The following SRPRA variants were observed in gnomAD, a reference collection of about 807,000 sequenced individuals.
SRPRA encodes the protein SRP receptor subunit alpha.
Under a neutral mutation model 61.1 loss-of-function variants are expected in SRPRA, and 30 were observed. The observed-to-expected ratio is 0.49, with a 90% CI of 0.37 to 0.67. The LOEUF (loss-of-function observed/expected upper bound fraction) is 0.67. SRPRA is among the 30% of genes least tolerant of loss of function. The pLI is 0.00. For synonymous variants in SRPRA, 324 were observed against 299.7 expected, an observed-to-expected ratio of 1.08 and a Z score of -0.84; for missense variants, 759 against 828.4, an observed-to-expected ratio of 0.92 and a Z score of 1.03.
the SRPRA span, chr11:126,256,614 C>T: frequency 6.2e-7 from 1 of 1,614,166 alleles, no homozygotes; most frequent in Non-Finnish European, 8.5e-7. This position sits in a 1 kb window ranked among gnomAD's most constrained non-coding sequence, Gnocchi z 6.6. Flanking sequence ...TTTTCCTGGG[C>T]TGTGGCTGGA....
the SRPRA span, among the ~76,000 whole-genome samples, chr11:126,242,816 T>A: frequency 6.6e-6 from 1 of 152,178 alleles, no homozygotes; most frequent in Non-Finnish European, 1.5e-5. Context: ...GATTGGCAGT[T>A]CCTCAAAAAG....
the SRPRA span, among the ~76,000 whole-genome samples, chr11:126,241,987 T>C: frequency 1.4e-5 from 2 of 138,386 alleles, no homozygotes; most frequent in African/African-American, 2.8e-5. Flanking sequence ...GTCGCGCCAC[T>C]GCACTCCAGC....
chr11:126,267,831 T>A lies in SRPRA; in HGVS notation c.202-119A>T. On this transcript the variant is annotated intron_variant, in intron 2 of 13. Transcript: ENST00000332118. This position sits in a 1 kb window ranked among gnomAD's most constrained non-coding sequence, Gnocchi z 4.2. ...AGCTACCTGGCCGGTTTCCCTGTCC[T>A]GAGAGGCAGCCAAGCTCCCTGCCTG... 1 of 1,477,848 alleles carries A rather than the reference T, an allele frequency of 6.8e-7. No individual in the cohort carries two copies. The allele number at this position is 1,477,848 out of a possible 1,614,324, so 91.5% of individuals were successfully genotyped here.
At chr11:126,248,358 C>CTTCT in the SRPRA span, among the ~76,000 whole-genome samples, 4 of 36,966 alleles carry the variant, frequency 1.1e-4, no homozygotes, top group African/African-American at 4.9e-4. Context: ...TAGTAGTTGA[C>CTTCT]TTTTTTTTTT....
the SRPRA span, chr11:126,254,206 G>T: frequency 1.4e-4 from 204 of 1,408,964 alleles, 2 homozygotes; most frequent in African/African-American, 2.6e-3. Context: ...GAGAGTTTAT[G>T]TCAGAAGTCT....
the SRPRA span, among the ~76,000 whole-genome samples, chr11:126,247,923 A>G: frequency 6.8e-6 from 1 of 147,094 alleles, no homozygotes; most frequent in Non-Finnish European, 1.5e-5. Context: ...ATAGATACGT[A>G]TATCTATATA....
In SRPRA at chr11:126,267,495, A is replaced by G. The variant is rs1950836633; in HGVS notation, c.365+54T>C. On this transcript the variant is annotated intron_variant, in intron 3 of 13. Coordinates refer to ENST00000332118, the MANE Select transcript of SRPRA (RefSeq NM_003139.4). This position sits in a 1 kb window ranked among gnomAD's most constrained non-coding sequence, Gnocchi z 4.2. ...TTTACCACCTTTGAACCACCTTCAG[A>G]GAGGTCATCAAATCATGGAAATAAA... 6.8e-6 allele frequency: 11 copies of G among 1,609,186 alleles called. No individual in the cohort carries two copies. Among genetic ancestry groups the G allele is most frequent in the Non-Finnish European group, 9.3e-6 (11 of 1,177,036 alleles).
the SRPRA span, chr11:126,241,398 T>TA: frequency 0.12 from 21,996 of 187,784 alleles, 1,356 homozygotes; most frequent in African/African-American, 0.14. Context: ...AGATTGGAGA[T>TA]AATTTTATCA....
chr11:126,264,261 T>C lies in SRPRA; in HGVS notation c.1718A>G (p.His573Arg), dbSNP rs1272597917. The change falls in exon 13 of 14, where the codon CAT (histidine) becomes CGT (arginine). Residue 573 changes from histidine (H) to arginine (R), a missense_variant. Physicochemically the swap from His to Arg is conservative, Grantham distance 29. This residue lies in a region of SRPRA where 284 missense variants were observed against 365.9 expected (regional missense o/e 0.78). Transcript: ENST00000332118. This position sits in a 1 kb window ranked among gnomAD's most constrained non-coding sequence, Gnocchi z 5.0. Reference sequence around the variant, plus strand: ...GAGCCGAGGTGTCTGAGCCATAGAATGGTCAGCCAAGGCTCTGTTGAACTT... The same window carrying C: ...GAGCCGAGGTGTCTGAGCCATAGAACGGTCAGCCAAGGCTCTGTTGAACTT... ...LVKFNRALAD[H>R]SMAQTPRLID... is the part of the protein sequence containing the mutation. 6.2e-7 allele frequency: 1 copy of C among 1,614,062 alleles called. No individual in the cohort carries two copies. The highest frequency in any genetic ancestry group is 8.5e-7 in the Non-Finnish European group (1 of 1,180,000).
chr11:126,264,986 C>G lies in SRPRA; in HGVS notation c.1498G>C (p.Gly500Arg). 6.2e-7 allele frequency: 1 copy of G among 1,614,066 alleles called. No homozygotes were observed. Among genetic ancestry groups the G allele is most frequent in the South Asian group, 1.1e-5 (1 of 91,078 alleles). ...AAAGCAATGGCTTCCATGGCAATGC[C>G]AGCAGCATCCTTGCCATAGCCCTTT... Reference protein sequence around the residue: ...FEKGYGKDAAGIAMEAIAFAR... With the variant: ...FEKGYGKDAARIAMEAIAFAR... The change falls in exon 11 of 14, where the codon GGC (glycine) becomes CGC (arginine). Residue 500 changes from glycine (G) to arginine (R), a missense_variant. This residue lies in a region of SRPRA where 284 missense variants were observed against 365.9 expected (regional missense o/e 0.78). Transcript: ENST00000332118. This position sits in a 1 kb window ranked among gnomAD's most constrained non-coding sequence, Gnocchi z 5.0.
chr11:126,250,873 CTTTTTTCTTTCT>C, the SRPRA span: 1 of 623,780 alleles, frequency 1.6e-6, no homozygotes, highest in East Asian at 2.8e-5. This position sits in a 1 kb window ranked among gnomAD's most constrained non-coding sequence, Gnocchi z 5.1. Context: ...TTTTGTTTTT[CTTTTTTCTTTCT>C]TTTTAAAGAT....
the SRPRA span, among the ~76,000 whole-genome samples, chr11:126,243,229 G>A: frequency 1.3e-5 from 2 of 152,210 alleles, no homozygotes; most frequent in Non-Finnish European, 2.9e-5. Context: ...AAAAAATAGA[G>A]TAGGAGGGAG....
At position 126,265,361 on chromosome 11, in the gene SRPRA, G is replaced by C. The variant is rs1950788241; in HGVS notation, c.1218C>G (p.Leu406=). The part of the protein sequence containing the change: ...ILQPQRRVDM[L]RDIMDAQRRQ... ...GACGCTGGGCATCCATGATGTCCCGGAGCATGTCTACACGACGCTGTGGCT... is the reference window on the plus strand; with the variant it reads ...GACGCTGGGCATCCATGATGTCCCGCAGCATGTCTACACGACGCTGTGGCT... The change falls in exon 10 of 14, where the codon CTC becomes CTG. Residue 406 remains leucine (L), a synonymous_variant. Coordinates refer to ENST00000332118, the MANE Select transcript of SRPRA (RefSeq NM_003139.4). The surrounding 1 kb of genome is among the most constrained non-coding windows in gnomAD (Gnocchi z 6.3). 1 of 1,613,366 alleles carries C rather than the reference G, an allele frequency of 6.2e-7. No individual in the cohort carries two copies. The highest frequency in any genetic ancestry group is 1.7e-5 in the Admixed American group (1 of 59,952).
the SRPRA span, among the ~76,000 whole-genome samples, chr11:126,238,881 C>T: frequency 1.6e-3 from 234 of 149,704 alleles, no homozygotes; most frequent in Admixed American, 2.2e-3. Context: ...TATATATACC[C>T]GCTAAAAAAA....
At chr11:126,260,484 ACT>A (rs1287840123), downstream of SRPRA, 3 of 143,408 alleles carry the variant, frequency 2.1e-5, no homozygotes, top group Non-Finnish European at 3.2e-5. Flanking sequence ...ATTTTAATTG[ACT>A]TTTATATTCC....
At chr11:126,248,077 C>T in the SRPRA span, among the ~76,000 whole-genome samples, 11 of 150,238 alleles carry the variant, frequency 7.3e-5, no homozygotes, top group African/African-American at 2.7e-4. Flanking sequence ...ACCAGAGAGG[C>T]AGAGGTTGCA....
In SRPRA at chr11:126,264,575, ACT is replaced by A. The variant is rs1043796963; in HGVS notation, c.1526-38_1526-37del. 7 of 1,607,228 alleles carry A rather than the reference ACT, an allele frequency of 4.4e-6. No homozygotes were observed. In the African/African-American group the frequency reaches 9.4e-5, roughly 21 times the overall value. ...AAAGTAGTCAACTCTGAACACCTGG[ACT>A]ACCACTCATGCTCGTTCCCAGCTTC... On this transcript the variant is annotated intron_variant, in intron 11 of 13. Transcript: ENST00000332118. The surrounding 1 kb of genome is among the most constrained non-coding windows in gnomAD (Gnocchi z 5.0).
the SRPRA span, among the ~76,000 whole-genome samples, chr11:126,256,182 C>T: frequency 9.9e-5 from 15 of 152,170 alleles, no homozygotes; most frequent in African/African-American, 3.4e-4. The surrounding 1 kb of genome is among the most constrained non-coding windows in gnomAD (Gnocchi z 6.6). Context: ...ATGAGAGTCA[C>T]TTGAACCAGG....
downstream of SRPRA, among the ~76,000 whole-genome samples, chr11:126,258,001 G>T (rs1448602195): frequency 1.3e-5 from 2 of 152,156 alleles, no homozygotes; most frequent in African/African-American, 4.8e-5. Flanking sequence ...TCCAGAGTAT[G>T]GCTAGTGTGA....
Sources: gnomAD v4.1 joint callset for allele counts (sites outside exome capture counted in the v4.1 genomes callset) on GRCh38, gnomAD v4.1.1 for gene constraint, gnomAD v4.1.1 regional missense constraint, Gnocchi (gnomAD v3.1) non-coding constraint, MANE v1.5 for transcripts, NCBI Gene and HGNC (gene_info 2026-07-23, HGNC 2026-07-21) for gene names.